Variants in LHFPL5 observed in about 807,000 individuals in gnomAD.
LHFPL5 encodes LHFPL tetraspan subfamily member 5.
A neutral mutation model predicts 18.7 loss-of-function variants in LHFPL5; 12 were observed. The ratio of observed to expected loss-of-function variants is 0.64; its 90% CI spans 0.41 to 1.04. The LOEUF (loss-of-function observed/expected upper bound fraction) is 1.04. LHFPL5 is among the 50% of genes least tolerant of loss of function. LHFPL5 has a pLI of 0.00. For synonymous variants in LHFPL5, 111 were observed against 120.2 expected (o/e 0.92, Z 0.50); for missense variants, 259 against 292.1 (o/e 0.89, Z 0.83).
intron 1 of LHFPL5, among the ~76,000 whole-genome samples, chr6:35,812,150 A>G (rs1181028976): frequency 6.6e-6 from 1 of 152,232 alleles, no homozygotes; most frequent in African/African-American, 2.4e-5. Context: ...ATAAAGAACT[A>G]TCTAAATAAG....
Position 35,814,742 on chromosome 6 carries a change from G to A in LHFPL5, c.609G>A (p.Gln203=). Residue 203 remains glutamine (Q), a synonymous_variant, in exon 2 of 4, where the codon CAG becomes CAA. Transcript: ENST00000360215. This position sits in a 1 kb window ranked among gnomAD's most constrained non-coding sequence, Gnocchi z 4.2. ...SFLAFVLGYR[Q]DKLLPDDYKA... ...TGGCCTTCGTGTTGGGCTACCGGCA[G>A]GACAAGCTCCTCCCTGACGACTACA... is the stretch of plus-strand genomic sequence containing the variant. 6.2e-7 allele frequency: 1 copy of A among 1,614,188 alleles called. No individual in the cohort carries two copies. The highest frequency in any genetic ancestry group is 8.5e-7 in the Non-Finnish European group (1 of 1,180,030).
Position 35,823,424 on chromosome 6 carries a change from C to CACACAT in LHFPL5, c.*460_*461insCACATA, listed in dbSNP as rs1554147839. On this transcript the variant is annotated 3_prime_UTR_variant, in exon 4 of 4. Coordinates refer to ENST00000360215, the MANE Select transcript of LHFPL5 (RefSeq NM_182548.4). ...ACACACACACACACACACACACACA[C>CACACAT]ATACATACACACACACATATATATA... is the stretch of plus-strand genomic sequence containing the variant. The CACACAT allele has an allele frequency of 1.8e-5, 2 of 112,372 alleles. No homozygotes were observed. The highest frequency in any genetic ancestry group is 3.7e-5 in the African/African-American group (1 of 26,814). The allele number at this position is 112,372 out of a possible 1,614,324, so 7.0% of individuals were successfully genotyped here.
At chr6:35,811,948 G>GAAGTCAGGA (rs1449320345) in intron 1 of LHFPL5, among the ~76,000 whole-genome samples, 22 of 152,192 alleles carry the variant, frequency 1.4e-4, no homozygotes, top group Non-Finnish European at 2.4e-4. Flanking sequence ...AATAAACTTT[G>GAAGTCAGGA]AAGTCAGGAA....
At chr6:35,809,586 C>T (rs1364832445) in intron 1 of LHFPL5, among the ~76,000 whole-genome samples, 1 of 152,176 alleles carries the variant, frequency 6.6e-6, no homozygotes, top group African/African-American at 2.4e-5. Context: ...TCATTGCAGC[C>T]TTGACCTCCC....
At chr6:35,818,341 ATATATATGTATTTTT>A (rs1561955644) in intron 2 of LHFPL5, among the ~76,000 whole-genome samples, 1 of 13,146 alleles carries the variant, frequency 7.6e-5, no homozygotes, top group Non-Finnish European at 1.5e-4. Flanking sequence ...ATATATATAT[ATATATATGTATTTTT>A]TTTTTTTTTT....
chr6:35,816,069 G>T (rs534740801), intron 2 of LHFPL5, among the ~76,000 whole-genome samples: 2 of 151,986 alleles, frequency 1.3e-5, no homozygotes, highest in African/African-American at 2.4e-5. Flanking sequence ...TACTGGGGAG[G>T]CTGAGGCAGG....
chr6:35,822,328 T>G (rs1561957172), intron 3 of LHFPL5, among the ~76,000 whole-genome samples: 1 of 151,928 alleles, frequency 6.6e-6, no homozygotes, highest in African/African-American at 2.4e-5. Flanking sequence ...TCTGTTTGCC[T>G]TTTTTTTCCT....
rs1200314877 is a variant in LHFPL5, at chr6:35,823,370, T to TACACACACACACACACACACACAC, written c.*416_*417insCACACACACACACACACACACACA. 31 of 127,988 alleles carry TACACACACACACACACACACACAC rather than the reference T, an allele frequency of 2.4e-4. 1 individual carries two copies. The highest frequency in any genetic ancestry group is 4.3e-4 in the Non-Finnish European group (26 of 60,364). 7.9% of individuals were successfully genotyped at this position (127,988 alleles called of 1,614,324 possible). On this transcript the variant is annotated 3_prime_UTR_variant, in exon 4 of 4. Coordinates refer to ENST00000360215, the MANE Select transcript of LHFPL5 (RefSeq NM_182548.4). Reference sequence around the variant, plus strand: ...CCTCCCAGGTCTGTGTCTGATAGCATACACACACACATATATATACACACA... The same window carrying TACACACACACACACACACACACAC: ...CCTCCCAGGTCTGTGTCTGATAGCATACACACACACACACACACACACACACACACACACATATATATACACACA...
chr6:35,815,633 C>A (rs912914129), intron 2 of LHFPL5, among the ~76,000 whole-genome samples: 1 of 152,100 alleles, frequency 6.6e-6, no homozygotes. Flanking sequence ...TTCACATTAG[C>A]CCTTGGATTA....
intron 3 of LHFPL5, among the ~76,000 whole-genome samples, chr6:35,822,483 T>A (rs895952968): frequency 2.0e-5 from 3 of 152,128 alleles, no homozygotes; most frequent in African/African-American, 7.2e-5. Context: ...TTATTTTTGA[T>A]ACATAGTTTT....
At chr6:35,816,159 C>T (rs1186025040) in intron 2 of LHFPL5, among the ~76,000 whole-genome samples, 2 of 130,092 alleles carry the variant, frequency 1.5e-5, no homozygotes, top group Non-Finnish European at 3.1e-5. Flanking sequence ...GCCTGGGTGA[C>T]AGAGCGAGAC....
intron 2 of LHFPL5, among the ~76,000 whole-genome samples, chr6:35,818,517 C>T (rs760541254): frequency 2.6e-5 from 4 of 151,452 alleles, no homozygotes; most frequent in Non-Finnish European, 5.9e-5. Flanking sequence ...TACCACCACA[C>T]TTGGCTTTTT....
intron 1 of LHFPL5, among the ~76,000 whole-genome samples, chr6:35,811,688 A>G (rs2151070138): frequency 6.6e-6 from 1 of 152,328 alleles, no homozygotes; most frequent in African/African-American, 2.4e-5. Flanking sequence ...CTGGAAGGGC[A>G]GCTCCTTCCC....
intron 1 of LHFPL5, among the ~76,000 whole-genome samples, chr6:35,813,870 C>A (rs572939475): frequency 7.0e-6 from 1 of 143,740 alleles, no homozygotes; most frequent in South Asian, 2.2e-4. Flanking sequence ...GATCTCAGCT[C>A]ACCGCAACCT....
chr6:35,816,362 G>GA (rs1168442565), intron 2 of LHFPL5, among the ~76,000 whole-genome samples: 83 of 127,364 alleles, frequency 6.5e-4, no homozygotes, highest in Non-Finnish European at 5.9e-4. Flanking sequence ...AAAAAAAAAA[G>GA]AAAAAAAAAG....
intron 3 of LHFPL5, among the ~76,000 whole-genome samples, chr6:35,821,965 C>T (rs1335165057): frequency 7.1e-6 from 1 of 140,778 alleles, no homozygotes; most frequent in Non-Finnish European, 1.5e-5. Context: ...CCTCAACTTC[C>T]TGATGCTCAA....
chr6:35,805,546 C>CT lies in LHFPL5; in HGVS notation c.-124dup. The CT allele has an allele frequency of 1.1e-6, 1 of 929,232 alleles. No homozygotes were observed. Among genetic ancestry groups the CT allele is most frequent in the East Asian group, 2.6e-5 (1 of 39,182 alleles). 57.6% of individuals were successfully genotyped at this position (929,232 alleles called of 1,614,324 possible). ...TCCCCTTGCCTTGAAGGGACCTCAC[C>CT]TGGTGCCCTGACCTCAGCCTCCTCC... On this transcript the variant is annotated 5_prime_UTR_variant, in exon 1 of 4. Coordinates refer to ENST00000360215, the MANE Select transcript of LHFPL5 (RefSeq NM_182548.4). The surrounding 1 kb of genome is among the most constrained non-coding windows in gnomAD (Gnocchi z 4.3).
chr6:35,808,128 G>A (rs1768601201), intron 1 of LHFPL5, among the ~76,000 whole-genome samples: 1 of 151,774 alleles, frequency 6.6e-6, no homozygotes, highest in South Asian at 2.1e-4. Context: ...GTGGGCAGTG[G>A]GGAGCAAGGT....
chr6:35,807,079 C>G (rs867433224), intron 1 of LHFPL5, among the ~76,000 whole-genome samples: 1 of 152,088 alleles, frequency 6.6e-6, no homozygotes. Flanking sequence ...TTGCCTGCCT[C>G]AGTCTCCCAA....
Sources: allele counts gnomAD v4.1 joint callset (sites outside exome capture counted in the v4.1 genomes callset), GRCh38; gene constraint gnomAD v4.1.1; non-coding constraint Gnocchi (gnomAD v3.1); transcripts MANE v1.5; gene names NCBI Gene and HGNC (gene_info 2026-07-23, HGNC 2026-07-21).